PKN3: variants seen among roughly 807,000 people sequenced by gnomAD.
PKN3 encodes the protein serine/threonine-protein kinase N3.
Under a neutral mutation model 113.1 loss-of-function variants are expected in PKN3, and 91 were observed. The ratio of observed to expected loss-of-function variants is 0.80; its 90% CI spans 0.68 to 0.96. PKN3 has a LOEUF of 0.96. Ranked by LOEUF, PKN3 falls within the 40% of genes least tolerant of loss-of-function variation. PKN3 has a pLI of 0.00. For missense variants in PKN3, 1,052 were observed against 1,202.2 expected, an observed-to-expected ratio of 0.88 and a Z score of 1.85; for synonymous variants, 467 against 499.0, an observed-to-expected ratio of 0.94 and a Z score of 0.85.
rs1381752254 is a variant in PKN3 at position 128,715,531 on chromosome 9, T to A, written c.1808+71T>A. ...GTGGCATCCAGAGGGCAGTTGAAGG[T>A]TCCTGGGGCTTTGGAGAGGTGACCC... On this transcript the variant is annotated intron_variant, in intron 15 of 21. Coordinates refer to ENST00000291906, the MANE Select transcript of PKN3 (RefSeq NM_013355.5). This position sits in a 1 kb window ranked among gnomAD's most constrained non-coding sequence, Gnocchi z 4.1. 8.4e-7 allele frequency: 1 copy of A among 1,196,642 alleles called. No homozygotes were observed. Among genetic ancestry groups the A allele is most frequent in the Non-Finnish European group, 1.2e-6 (1 of 811,578 alleles). 74.1% of individuals were successfully genotyped at this position (1,196,642 alleles called of 1,614,324 possible). A position where few individuals can be genotyped will look rare whatever the true frequency, so the allele number is the denominator to read the frequency against.
intron 6 of PKN3, among the ~76,000 whole-genome samples, chr9:128,711,083 G>A (rs191578310): frequency 5.3e-5 from 8 of 151,526 alleles, no homozygotes; most frequent in Admixed American, 3.3e-4. Context: ...TTGGCTCACT[G>A]CAACCTCCGC....
rs755161710 is a variant in PKN3 at position 128,715,032 on chromosome 9, C to T, written c.1653-140C>T. Reference sequence around the variant, plus strand: ...TTGAGCTCCAGCTCTATGCCGGCTTCTAGGAGTCCTTACTGCAGGGCTTTT... The same window carrying T: ...TTGAGCTCCAGCTCTATGCCGGCTTTTAGGAGTCCTTACTGCAGGGCTTTT... On this transcript the variant is annotated intron_variant, in intron 13 of 21. Coordinates refer to ENST00000291906, the MANE Select transcript of PKN3 (RefSeq NM_013355.5). This position sits in a 1 kb window ranked among gnomAD's most constrained non-coding sequence, Gnocchi z 4.1. The T allele has an allele frequency of 1.4e-4, 149 of 1,067,712 alleles. No individual in the cohort carries two copies. Among genetic ancestry groups the T allele is most frequent in the Non-Finnish European group, 2.0e-4 (142 of 703,508 alleles). 66.1% of individuals were successfully genotyped at this position (1,067,712 alleles called of 1,614,324 possible).
chr9:128,712,453 G>A (rs939519809), intron 6 of PKN3, among the ~76,000 whole-genome samples: 1 of 152,196 alleles, frequency 6.6e-6, no homozygotes, highest in African/African-American at 2.4e-5. Flanking sequence ...GAGAGGTGGG[G>A]CAGAGCTGGG....
At position 128,718,426 on chromosome 9, in the gene PKN3, G is replaced by T. The variant is rs531737396; in HGVS notation, c.2048+39G>T. 13 of 1,571,746 alleles carry T rather than the reference G, an allele frequency of 8.3e-6. No homozygotes were observed. In the East Asian group the frequency reaches 9.0e-5, roughly 11 times the overall value. ...CAGGGATGCACGGGGGTAGGGGTGG[G>T]GGTGGGGGTGGAGTGGGTAAGGACA... is the stretch of plus-strand genomic sequence containing the variant. On this transcript the variant is annotated intron_variant, in intron 17 of 21. Transcript: ENST00000291906.
intron 6 of PKN3, among the ~76,000 whole-genome samples, chr9:128,707,880 T>A (rs567525833): frequency 1.3e-5 from 2 of 151,892 alleles, no homozygotes; most frequent in South Asian, 4.2e-4. Context: ...AAGACCAGCC[T>A]GGCCAAGATG....
intron 1 of PKN3, chr9:128,703,322 C>G: frequency 1.1e-5 from 11 of 965,808 alleles, no homozygotes; most frequent in Non-Finnish European, 1.2e-5. Flanking sequence ...GGCACAGGGG[C>G]CTGGGGGGGT....
chr9:128,718,731 T>C, intron 18 of PKN3, 106 bp downstream of exon 18: 1 of 1,081,270 alleles, frequency 9.2e-7, no homozygotes, highest in Non-Finnish European at 1.4e-6. Context: ...CACCTGCGGA[T>C]GCCCTGGTTC....
chr9:128,705,867 T>C lies in PKN3; in HGVS notation c.399T>C (p.Ser133=), dbSNP rs1448242431. The part of the protein sequence containing the change: ...GAENMTHTCA[S]GTPKERKLLA... Reference sequence around the variant, plus strand: ...AGAACATGACCCACACGTGCGCCAGTGGCACCCCCAAGGTAAGGCCCCACA... The same window carrying C: ...AGAACATGACCCACACGTGCGCCAGCGGCACCCCCAAGGTAAGGCCCCACA... Residue 133 remains serine (S), a synonymous_variant, in exon 3 of 22, where the codon AGT becomes AGC. Coordinates refer to ENST00000291906, the MANE Select transcript of PKN3 (RefSeq NM_013355.5). The C allele has an allele frequency of 5.0e-6, 8 of 1,596,674 alleles. No homozygotes were observed. The highest frequency in any genetic ancestry group is 6.0e-6 in the Non-Finnish European group (7 of 1,168,954).
chr9:128,715,397 G>A lies in PKN3; in HGVS notation c.1745G>A (p.Gly582Glu), dbSNP rs1249324628. ...KVLLVQFKGT[G>E]KYYAIKALKK... ...CTCCTGGTCCAGTTCAAGGGGACAGGGAAATACTACGCCATCAAAGCACTG... is the reference window on the plus strand; with the variant it reads ...CTCCTGGTCCAGTTCAAGGGGACAGAGAAATACTACGCCATCAAAGCACTG... Residue 582 changes from glycine (G) to glutamate (E), a missense_variant, in exon 15 of 22, where the codon GGG becomes GAG. Transcript: ENST00000291906. The surrounding 1 kb of genome is among the most constrained non-coding windows in gnomAD (Gnocchi z 4.1). 1 of 1,614,054 alleles carries A rather than the reference G, an allele frequency of 6.2e-7. No homozygotes were observed. Among genetic ancestry groups the A allele is most frequent in the Non-Finnish European group, 8.5e-7 (1 of 1,180,010 alleles).
Position 128,713,589 on chromosome 9 carries a change from G to A in PKN3, c.1183G>A (p.Ala395Thr). 3.7e-6 allele frequency: 6 copies of A among 1,613,810 alleles called. No individual in the cohort carries two copies. Among genetic ancestry groups the A allele is most frequent in the Non-Finnish European group, 5.1e-6 (6 of 1,179,978 alleles). ...FLRLEDFLDNACHQLSLSLVP... is the reference protein window; with the variant it reads ...FLRLEDFLDNTCHQLSLSLVP... ...GAGACTTGAGGACTTCCTGGACAATGCCTGTCACCAACTGTCCCTCAGCCT... is the reference window on the plus strand; with the variant it reads ...GAGACTTGAGGACTTCCTGGACAATACCTGTCACCAACTGTCCCTCAGCCT... Residue 395 changes from alanine (A) to threonine (T), a missense_variant, in exon 9 of 22, where the codon GCC (alanine) becomes ACC (threonine). Physicochemically the swap from Ala to Thr is moderately conservative, Grantham distance 58 (BLOSUM62 0). This residue lies in a region of PKN3 where 719 missense variants were observed against 759.4 expected (regional missense o/e 0.95). Coordinates refer to ENST00000291906, the MANE Select transcript of PKN3 (RefSeq NM_013355.5).
At chr9:128,712,947 C>A in intron 6 of PKN3, 105 bp from the exon 7 acceptor site, 1 of 1,275,364 alleles carries the variant, frequency 7.8e-7, no homozygotes, top group Non-Finnish European at 1.1e-6. Context: ...GGTCTGGGTT[C>A]AGCCACCTCC....
rs1177627265 is a variant in PKN3, at chr9:128,719,753, G to C, written c.2193G>C (p.Leu731=). 16 of 1,604,110 alleles carry C rather than the reference G, an allele frequency of 1.0e-5. No individual in the cohort carries two copies. The highest frequency in any genetic ancestry group is 1.4e-5 in the Non-Finnish European group (16 of 1,174,444). Residue 731 remains leucine, a synonymous_variant, in exon 19 of 22, where the codon CTG becomes CTC. Transcript: ENST00000291906. ...GTPEFLAPEV[L]TQEAYTRAVD... ...CGGAGTTCCTGGCTCCCGAGGTGCT[G>C]ACCCAGGAGGCATACACACGGGCTG...
At chr9:128,718,886 G>GTTGTT (rs1288742165) in intron 18 of PKN3, among the ~76,000 whole-genome samples, 1 of 33,004 alleles carries the variant, frequency 3.0e-5, no homozygotes. Context: ...TCTGCCTTCT[G>GTTGTT]TTTTTTTTTT....
At chr9:128,710,348 A>G (rs931575602) in intron 6 of PKN3, among the ~76,000 whole-genome samples, 7 of 151,820 alleles carry the variant, frequency 4.6e-5, no homozygotes, top group Non-Finnish European at 8.8e-5. Flanking sequence ...AGATACAGTG[A>G]GAGCTGGAAA....
At chr9:128,704,050 G>A (rs1861935384) in intron 1 of PKN3, 1 of 878,994 alleles carries the variant, frequency 1.1e-6, no homozygotes, top group Non-Finnish European at 1.3e-6. Flanking sequence ...AGGCCCCGCT[G>A]AGGTCTGGGG....
chr9:128,714,465 G>T (rs1240262808), intron 11 of PKN3, 97 bp from the exon 12 acceptor site: 2 of 1,163,276 alleles, frequency 1.7e-6, no homozygotes, highest in Non-Finnish European at 2.6e-6. Flanking sequence ...TGCTCAGCCC[G>T]CTAACCCTCT....
chr9:128,705,402 C>T lies in PKN3; in HGVS notation c.124C>T (p.Arg42Cys), dbSNP rs746700545. The change falls in exon 2 of 22, where the codon CGC becomes TGC. Residue 42 changes from arginine (R) to cysteine (C), a missense_variant. By Grantham distance (180) the Arg-to-Cys change is radical. Transcript: ENST00000291906. ...CAAGGAGGGGGTGGAGAACCTGCGGCGCGTGGCCACAGACCGCCGCCACTT... is the reference window on the plus strand; with the variant it reads ...CAAGGAGGGGGTGGAGAACCTGCGGTGCGTGGCCACAGACCGCCGCCACTT... ...KIKEGVENLR[R>C]VATDRRHLGH... 6 of 1,596,718 alleles carry T rather than the reference C, an allele frequency of 3.8e-6. No individual in the cohort carries two copies. Among genetic ancestry groups the T allele is most frequent in the Middle Eastern group, 1.7e-4 (1 of 6,048 alleles).
intron 15 of PKN3, among the ~76,000 whole-genome samples, chr9:128,716,055 C>T (rs1226277570): frequency 6.6e-6 from 1 of 150,990 alleles, no homozygotes; most frequent in African/African-American, 2.4e-5. Flanking sequence ...GCCTGTAATC[C>T]CAGCACTTCA....
rs557099498 is a variant in PKN3 at position 128,713,530 on chromosome 9, G to A, written c.1124G>A (p.Arg375Gln). The A allele has an allele frequency of 3.6e-5, 58 of 1,613,952 alleles. 1 individual carries two copies. In the South Asian group the frequency reaches 5.6e-4, roughly 16 times the overall value. The change falls in exon 9 of 22, where the codon CGG (arginine) becomes CAG (glutamine). Residue 375 changes from arginine (R) to glutamine (Q), a missense_variant. Coordinates refer to ENST00000291906, the MANE Select transcript of PKN3 (RefSeq NM_013355.5). Reference sequence around the variant, plus strand: ...GAGCTGGAGATTGGGGTACACTGGCGGGACTGGCGGCAGCTATGTGGCGTG... The same window carrying A: ...GAGCTGGAGATTGGGGTACACTGGCAGGACTGGCGGCAGCTATGTGGCGTG... Reference protein sequence around the residue: ...ARELEIGVHWRDWRQLCGVAF... With the variant: ...ARELEIGVHWQDWRQLCGVAF...
Sources: gnomAD v4.1 joint callset for allele counts (sites outside exome capture counted in the v4.1 genomes callset) on GRCh38, gnomAD v4.1.1 for gene constraint, gnomAD v4.1.1 regional missense constraint, Gnocchi (gnomAD v3.1) non-coding constraint, MANE v1.5 for transcripts, NCBI Gene and HGNC (gene_info 2026-07-23, HGNC 2026-07-21) for gene names.